RAB11FIP4: variants seen among roughly 807,000 people sequenced by gnomAD.
RAB11FIP4 encodes RAB11 family interacting protein 4.
Under a neutral mutation model 74.3 loss-of-function variants are expected in RAB11FIP4, and 23 were observed. That is an observed-to-expected ratio of 0.31 (90% CI 0.22 to 0.44). The LOEUF is 0.44. Among genes scored for constraint, RAB11FIP4 ranks in the 20% least tolerant of loss-of-function variants. RAB11FIP4 has a pLI of 1.00. For synonymous variants in RAB11FIP4, 360 were observed against 359.9 expected (o/e 1.00, Z 0.00); for missense variants, 630 against 863.9 (o/e 0.73, Z 3.39).
chr17:31,459,993 T>A (rs2071619859), intron 3 of RAB11FIP4, among the ~76,000 whole-genome samples: 2 of 152,118 alleles, frequency 1.3e-5, no homozygotes, highest in Non-Finnish European at 2.9e-5. Flanking sequence ...TTGCGGTCAC[T>A]CCCGGCCCTC....
intron 1 of RAB11FIP4, among the ~76,000 whole-genome samples, chr17:31,402,491 T>C (rs960696249): frequency 6.6e-6 from 1 of 152,158 alleles, no homozygotes; most frequent in South Asian, 2.1e-4. Flanking sequence ...CTGCCCTCTA[T>C]GGAATCAACT....
At chr17:31,413,921 G>A (rs945514424) in intron 1 of RAB11FIP4, among the ~76,000 whole-genome samples, 3 of 152,224 alleles carry the variant, frequency 2.0e-5, no homozygotes, top group African/African-American at 7.2e-5. Context: ...ATTGCTGGAA[G>A]AAGAGGTGCA....
In RAB11FIP4 at chr17:31,534,759, A is replaced by G. The variant is rs1168547212; in HGVS notation, c.*3027A>G. 2 of 153,174 alleles carry G rather than the reference A, an allele frequency of 1.3e-5. No individual in the cohort carries two copies. The highest frequency in any genetic ancestry group is 6.5e-5 in the Admixed American group (1 of 15,278). 9.5% of individuals were successfully genotyped at this position (153,174 alleles called of 1,614,324 possible). A position where few individuals can be genotyped will look rare whatever the true frequency, so the allele number is the denominator to read the frequency against. On this transcript the variant is annotated 3_prime_UTR_variant, in exon 15 of 15. Transcript: ENST00000621161. Reference sequence around the variant, plus strand: ...TGTTTTTGCTAAACCTGGCAACCCTACCGAGTAGGGATTAGCAGTAACTTA... The same window carrying G: ...TGTTTTTGCTAAACCTGGCAACCCTGCCGAGTAGGGATTAGCAGTAACTTA...
intron 1 of RAB11FIP4, among the ~76,000 whole-genome samples, chr17:31,421,518 G>A (rs190156427): frequency 6.8e-6 from 1 of 146,266 alleles, no homozygotes; most frequent in African/African-American, 2.5e-5. Context: ...TGAGCCCTGA[G>A]ACTGATTTTT....
chr17:31,480,760 C>T (rs975783835), intron 3 of RAB11FIP4, among the ~76,000 whole-genome samples: 8 of 142,394 alleles, frequency 5.6e-5, no homozygotes, highest in Middle Eastern at 3.6e-3. Flanking sequence ...TGCACTCCAG[C>T]CTGGCGACAG....
chr17:31,479,405 T>C (rs1345138182), intron 3 of RAB11FIP4, among the ~76,000 whole-genome samples: 1 of 152,182 alleles, frequency 6.6e-6, no homozygotes, highest in African/African-American at 2.4e-5. Context: ...TTCCATTGTC[T>C]GTGGGTGAGG....
intron 3 of RAB11FIP4, among the ~76,000 whole-genome samples, chr17:31,447,032 C>T (rs1386532302): frequency 1.3e-5 from 2 of 152,138 alleles, no homozygotes; most frequent in Non-Finnish European, 2.9e-5. Flanking sequence ...CGCCTGTAAT[C>T]CCAGTACTTT....
chr17:31,403,453 G>T (rs529267293), intron 1 of RAB11FIP4, among the ~76,000 whole-genome samples: 33 of 152,056 alleles, frequency 2.2e-4, no homozygotes, highest in African/African-American at 7.7e-4. Context: ...CTCCCAAGTA[G>T]CTGGGACTAC....
chr17:31,534,155 T>G lies in RAB11FIP4; in HGVS notation c.*2423T>G, dbSNP rs1419635852. On this transcript the variant is annotated 3_prime_UTR_variant, in exon 15 of 15. Transcript: ENST00000621161. ...AGGTGGTAGGAGCTTGATCTTTGTT[T>G]CTGCCCTTACCCCTCAGTAGTGGGG... 6.6e-6 allele frequency: 1 copy of G among 152,248 alleles called. No homozygotes were observed. The highest frequency in any genetic ancestry group is 2.4e-5 in the African/African-American group (1 of 41,464). 9.4% of individuals were successfully genotyped at this position (152,248 alleles called of 1,614,324 possible).
chr17:31,523,307 G>A (rs145330072), intron 7 of RAB11FIP4: 30,001 of 592,322 alleles, frequency 0.051, 981 homozygotes, highest in Non-Finnish European at 0.06. Flanking sequence ...AGGGGACCCC[G>A]GGGGTCTGTA....
In RAB11FIP4 at chr17:31,537,271, G is replaced by A; in HGVS notation, c.*5539G>A. 1 of 398,944 alleles carries A rather than the reference G, an allele frequency of 2.5e-6. No individual in the cohort carries two copies. Among genetic ancestry groups the A allele is most frequent in the Non-Finnish European group, 4.4e-6 (1 of 226,098 alleles). 24.7% of individuals were successfully genotyped at this position (398,944 alleles called of 1,614,324 possible). ...TTTCAACGTGCCTCCCCCAGGTGAG[G>A]CCAGCTCTCCCGGGCACATTCGTCC... On this transcript the variant is annotated 3_prime_UTR_variant, in exon 15 of 15. Coordinates refer to ENST00000621161, the MANE Select transcript of RAB11FIP4 (RefSeq NM_032932.6).
chr17:31,401,686 C>A (rs1403388609), intron 1 of RAB11FIP4, among the ~76,000 whole-genome samples: 1 of 152,216 alleles, frequency 6.6e-6, no homozygotes, highest in African/African-American at 2.4e-5. Flanking sequence ...TGGGCACTGT[C>A]CCCAGGAAGA....
intron 1 of RAB11FIP4, among the ~76,000 whole-genome samples, chr17:31,407,040 A>ATTTTTTT (rs59919036): frequency 0.01 from 515 of 51,224 alleles, 78 homozygotes; most frequent in South Asian, 0.015. Context: ...GTTTCACTTG[A>ATTTTTTT]TTTTTTTTTT....
At chr17:31,491,810 C>T (rs556310254) in intron 3 of RAB11FIP4, among the ~76,000 whole-genome samples, 3 of 152,268 alleles carry the variant, frequency 2.0e-5, no homozygotes, top group South Asian at 4.1e-4. Context: ...TCAGAGCCTC[C>T]GCGTCGAGGG....
intron 3 of RAB11FIP4, among the ~76,000 whole-genome samples, chr17:31,515,103 C>T (rs578126782): frequency 3.5e-4 from 53 of 152,306 alleles, no homozygotes; most frequent in Non-Finnish European, 7.2e-4. Context: ...GATCACTGCC[C>T]TGAAGAGCTG....
At chr17:31,476,676 T>C (rs773934144) in intron 3 of RAB11FIP4, among the ~76,000 whole-genome samples, 3 of 152,196 alleles carry the variant, frequency 2.0e-5, no homozygotes, top group Non-Finnish European at 2.9e-5. Flanking sequence ...AGGTTTCTTT[T>C]TTAGGGCACC....
chr17:31,400,778 G>C (rs1351629811), intron 1 of RAB11FIP4, among the ~76,000 whole-genome samples: 1 of 152,198 alleles, frequency 6.6e-6, no homozygotes, highest in South Asian at 2.1e-4. Context: ...GGAGCTCCAC[G>C]TTGGCCTGTG....
At chr17:31,474,804 T>C (rs2071773649) in intron 3 of RAB11FIP4, among the ~76,000 whole-genome samples, 1 of 151,506 alleles carries the variant, frequency 6.6e-6, no homozygotes, top group Non-Finnish European at 1.5e-5. Context: ...ATTGCACCAC[T>C]GCACTCTAGC....
chr17:31,514,867 A>G (rs1230498318), intron 3 of RAB11FIP4, among the ~76,000 whole-genome samples: 1 of 152,246 alleles, frequency 6.6e-6, no homozygotes, highest in Non-Finnish European at 1.5e-5. Flanking sequence ...CTAAGGAGTC[A>G]TAATTAGTCA....
Sources: allele counts gnomAD v4.1 joint callset (sites outside exome capture counted in the v4.1 genomes callset), GRCh38; gene constraint gnomAD v4.1.1; transcripts MANE v1.5; gene names NCBI Gene and HGNC (gene_info 2026-07-23, HGNC 2026-07-21).